The following SEMA4F variants were observed in gnomAD, a reference collection of about 807,000 sequenced individuals.
SEMA4F encodes the protein ssemaphorin 4F.
Under a neutral mutation model 78.4 loss-of-function variants are expected in SEMA4F, and 51 were observed. The ratio of observed to expected loss-of-function variants is 0.65; its 90% confidence interval spans 0.52 to 0.82. The LOEUF is 0.82. Among genes scored for constraint, SEMA4F ranks in the 40% least tolerant of loss-of-function variants. The pLI is 0.00. For synonymous variants in SEMA4F, 418 were observed against 408.7 expected (o/e 1.02, Z -0.27); for missense variants, 938 against 1,014.4 (o/e 0.92, Z 1.02).
At chr2:74,678,821 G>A (rs1685423521) in intron 12 of SEMA4F, among the ~76,000 whole-genome samples, 1 of 152,108 alleles carries the variant, frequency 6.6e-6, no homozygotes, top group Non-Finnish European at 1.5e-5. Context: ...GAAACAAGAA[G>A]TCACCTCACT....
chr2:74,680,065 T>G lies in SEMA4F; in HGVS notation c.2169T>G (p.Asp723Glu), dbSNP rs200385992. 85 of 1,614,122 alleles carry G rather than the reference T, an allele frequency of 5.3e-5. No homozygotes were observed. Among genetic ancestry groups the G allele is most frequent in the Non-Finnish European group, 6.9e-5 (82 of 1,179,936 alleles). ...SQDPPSPSPEDERLPLALAKR... is the reference protein window; with the variant it reads ...SQDPPSPSPEEERLPLALAKR... ...ACCCTCCCTCCCCCTCTCCTGAAGA[T>G]GAGCGGTTGCCGCTGGCCCTGGCCA... Residue 723 changes from aspartate to glutamate, a missense_variant, in exon 14 of 14, where the codon GAT (aspartate) becomes GAG (glutamate). Coordinates refer to ENST00000357877, the MANE Select transcript of SEMA4F (RefSeq NM_004263.5).
At chr2:74,659,859 A>G (rs1558719312) in intron 4 of SEMA4F, among the ~76,000 whole-genome samples, 1 of 152,230 alleles carries the variant, frequency 6.6e-6, no homozygotes, top group Non-Finnish European at 1.5e-5. Flanking sequence ...CAACTTGATC[A>G]AAGTTGATTG....
intron 5 of SEMA4F, among the ~76,000 whole-genome samples, chr2:74,673,057 A>G (rs1341098077): frequency 3.3e-5 from 5 of 152,196 alleles, no homozygotes; most frequent in Admixed American, 6.5e-5. Flanking sequence ...GACATTTACC[A>G]TAGTGGGACA....
At chr2:74,676,826 G>A (rs148755335) in intron 12 of SEMA4F, among the ~76,000 whole-genome samples, 25 of 152,216 alleles carry the variant, frequency 1.6e-4, no homozygotes, top group African/African-American at 5.5e-4. Context: ...TCACGTTGAA[G>A]CAAATCCCTG....
chr2:74,708,470 A>G, the SEMA4F span, among the ~76,000 whole-genome samples: 2 of 152,038 alleles, frequency 1.3e-5, no homozygotes, highest in Non-Finnish European at 2.9e-5. Flanking sequence ...TCTCACCCTC[A>G]CCAGCTGTAA....
chr2:74,666,797 A>G (rs1471184928), intron 5 of SEMA4F, among the ~76,000 whole-genome samples: 1 of 152,134 alleles, frequency 6.6e-6, no homozygotes, highest in African/African-American at 2.4e-5. Flanking sequence ...TAAAGATAAT[A>G]GCAGTATTTT....
At chr2:74,677,956 T>C (rs1685384061) in intron 12 of SEMA4F, among the ~76,000 whole-genome samples, 1 of 152,268 alleles carries the variant, frequency 6.6e-6, no homozygotes, top group Non-Finnish European at 1.5e-5. Flanking sequence ...ATATTTGTCA[T>C]GAATTATAAG....
At chr2:74,664,129 C>G (rs1019154576) in intron 5 of SEMA4F, among the ~76,000 whole-genome samples, 11 of 152,190 alleles carry the variant, frequency 7.2e-5, no homozygotes, top group Non-Finnish European at 1.5e-4. Flanking sequence ...ACCCAACATG[C>G]ACCTTCCAAA....
At chr2:74,656,721 T>C in intron 2 of SEMA4F, 36 bp downstream of exon 2, 2 of 1,604,604 alleles carry the variant, frequency 1.2e-6, no homozygotes, top group Non-Finnish European at 1.7e-6. Context: ...CCTGACCCTG[T>C]AGCATGTGAT....
chr2:74,654,586 C>A, intron 1 of SEMA4F, 65 bp downstream of exon 1: 1 of 1,375,052 alleles, frequency 7.3e-7, no homozygotes, highest in South Asian at 1.5e-5. Context: ...CCCACCTGCT[C>A]CTCAGACCGC....
intron 13 of SEMA4F, 41 bp downstream of exon 13, chr2:74,679,375 T>C: frequency 6.5e-7 from 1 of 1,546,344 alleles, no homozygotes; most frequent in South Asian, 1.1e-5. Flanking sequence ...GTGGGTGGAG[T>C]GGATGGAAAG....
At position 74,683,713 on chromosome 2, in the gene SEMA4F, G is replaced by A. The variant is rs534249787; in HGVS notation, c.*3504G>A. The A allele has an allele frequency of 6.6e-6, 1 of 152,206 alleles. No individual in the cohort carries two copies. Among genetic ancestry groups the A allele is most frequent in the South Asian group, 2.1e-4 (1 of 4,816 alleles). The allele number at this position is 152,206 out of a possible 1,614,324, so 9.4% of individuals were successfully genotyped here. A position where few individuals can be genotyped will look rare whatever the true frequency, so the allele number is the denominator to read the frequency against. On this transcript the variant is annotated 3_prime_UTR_variant, in exon 14 of 14. Coordinates refer to ENST00000357877, the MANE Select transcript of SEMA4F (RefSeq NM_004263.5). ...CTGCCCTTTGCTGGGAGCCACATGA[G>A]CCCCCTGGATTCATGTGGAATTCTT...
chr2:74,700,470 G>C, the SEMA4F span, among the ~76,000 whole-genome samples: 2 of 152,176 alleles, frequency 1.3e-5, no homozygotes, highest in African/African-American at 2.4e-5. Context: ...CCATTGGCCT[G>C]AATGGGACCT....
chr2:74,677,957 G>C (rs1193951653), intron 12 of SEMA4F, among the ~76,000 whole-genome samples: 1 of 152,198 alleles, frequency 6.6e-6, no homozygotes, highest in South Asian at 2.1e-4. Flanking sequence ...TATTTGTCAT[G>C]AATTATAAGT....
rs893094352 is a variant in SEMA4F, at chr2:74,683,809, G to A, written c.*3600G>A. On this transcript the variant is annotated 3_prime_UTR_variant, in exon 14 of 14. Coordinates refer to ENST00000357877, the MANE Select transcript of SEMA4F (RefSeq NM_004263.5). ...ATCAGATGACTGGATGCTTAGAATC[G>A]GGTTAACTTGATTAAATAAATAAAT... is the stretch of plus-strand genomic sequence containing the variant. 5.9e-5 allele frequency: 9 copies of A among 152,108 alleles called. No individual in the cohort carries two copies. The highest frequency in any genetic ancestry group is 1.2e-4 in the African/African-American group (5 of 41,412). 9.4% of individuals were successfully genotyped at this position (152,108 alleles called of 1,614,324 possible). A position where few individuals can be genotyped will look rare whatever the true frequency, so the allele number is the denominator to read the frequency against.
At chr2:74,661,750 G>A (rs1684434997) in intron 4 of SEMA4F, among the ~76,000 whole-genome samples, 1 of 152,146 alleles carries the variant, frequency 6.6e-6, no homozygotes. Flanking sequence ...ATGAGTAATC[G>A]GAGTGGGCCA....
rs954489547 is a variant in SEMA4F at position 74,680,647 on chromosome 2, C to T, written c.*438C>T. On this transcript the variant is annotated 3_prime_UTR_variant, in exon 14 of 14. Coordinates refer to ENST00000357877, the MANE Select transcript of SEMA4F (RefSeq NM_004263.5). ...GGTTCTGCTTATTCTTCAAGTTTAT[C>T]TGAATCTGTGGGGAGTGCATGATCC... 6.3e-6 allele frequency: 1 copy of T among 159,832 alleles called. No homozygotes were observed. Among genetic ancestry groups the T allele is most frequent in the African/African-American group, 2.4e-5 (1 of 41,542 alleles). The allele number at this position is 159,832 out of a possible 1,614,324, so 9.9% of individuals were successfully genotyped here.
intron 5 of SEMA4F, among the ~76,000 whole-genome samples, chr2:74,673,197 G>C (rs888906023): frequency 5.3e-5 from 8 of 152,164 alleles, no homozygotes; most frequent in African/African-American, 1.9e-4. Context: ...ATTTTTATGA[G>C]GGATGCCTTT....
At chr2:74,672,791 C>A (rs1685053824) in intron 5 of SEMA4F, among the ~76,000 whole-genome samples, 1 of 152,096 alleles carries the variant, frequency 6.6e-6, no homozygotes, top group Admixed American at 6.5e-5. Flanking sequence ...CTCCTGGCTG[C>A]CTGTGAAATC....
Sources: gnomAD v4.1 joint callset for allele counts (sites outside exome capture counted in the v4.1 genomes callset) on GRCh38, gnomAD v4.1.1 for gene constraint, MANE v1.5 for transcripts, NCBI Gene and HGNC (gene_info 2026-07-23, HGNC 2026-07-21) for gene names.